Variants in SLC5A4 observed in about 807,000 individuals in gnomAD.
SLC5A4 encodes solute carrier family 5 member 4, also known as probable glucose sensor protein SLC5A4.
In SLC5A4, 55 loss-of-function variants were observed where a neutral mutation model predicts 70.3. The ratio of observed to expected loss-of-function variants is 0.78; its 90% CI spans 0.63 to 0.98. SLC5A4 has a LOEUF of 0.98. Among genes scored for constraint, SLC5A4 ranks in the 50% least tolerant of loss-of-function variants. The pLI is 0.00. For missense variants in SLC5A4, 735 were observed against 839.2 expected (o/e 0.88, Z 1.53); for synonymous variants, 268 against 305.7 (o/e 0.88, Z 1.29).
chr22:32,236,868 CTTAT>C (rs1926092843), intron 7 of SLC5A4, among the ~76,000 whole-genome samples: 1 of 151,944 alleles, frequency 6.6e-6, no homozygotes, highest in Non-Finnish European at 1.5e-5. Context: ...CCACGCCGGG[CTTAT>C]TTTTTATATT....
At chr22:32,292,030 G>C in the SLC5A4 span, among the ~76,000 whole-genome samples, 1 of 139,666 alleles carries the variant, frequency 7.2e-6, no homozygotes, top group African/African-American at 2.7e-5. Context: ...GCACCACTAC[G>C]CCCGGCTATT....
chr22:32,255,576 G>A (rs16990066), upstream of SLC5A4, among the ~76,000 whole-genome samples: 9,813 of 152,100 alleles, frequency 0.065, 638 homozygotes, highest in African/African-American at 0.17. Flanking sequence ...AGCATGGGGC[G>A]TTCTCTGAGT....
chr22:32,333,199 C>CG, the SLC5A4 span, among the ~76,000 whole-genome samples: 6 of 147,598 alleles, frequency 4.1e-5, no homozygotes, highest in African/African-American at 1.0e-4. Flanking sequence ...CACTGGCACC[C>CG]CCCCCCCAGA....
the SLC5A4 span, among the ~76,000 whole-genome samples, chr22:32,307,126 A>G: frequency 6.6e-6 from 1 of 150,850 alleles, no homozygotes; most frequent in Admixed American, 6.6e-5. Flanking sequence ...CTGGGAGCCC[A>G]TTACCATTTA....
the SLC5A4 span, among the ~76,000 whole-genome samples, chr22:32,310,634 A>C: frequency 6.6e-6 from 1 of 152,180 alleles, no homozygotes; most frequent in Non-Finnish European, 1.5e-5. Context: ...GACACTGGCA[A>C]CACTGCCTGG....
chr22:32,314,030 G>C, the SLC5A4 span, among the ~76,000 whole-genome samples: 1 of 152,156 alleles, frequency 6.6e-6, no homozygotes, highest in Non-Finnish European at 1.5e-5. Flanking sequence ...ATGTTTTTTG[G>C]GCAAATGGAG....
chr22:32,334,374 A>G, the SLC5A4 span, among the ~76,000 whole-genome samples: 8,564 of 151,984 alleles, frequency 0.056, 256 homozygotes, highest in South Asian at 0.086. Context: ...CTTGGTTCAG[A>G]CCCTCGAGTT....
the SLC5A4 span, among the ~76,000 whole-genome samples, chr22:32,336,607 C>G: frequency 6.6e-6 from 1 of 152,202 alleles, no homozygotes; most frequent in African/African-American, 2.4e-5. Context: ...GAGCTGTTTC[C>G]TTTCTCCTGA....
At chr22:32,311,944 T>A in the SLC5A4 span, among the ~76,000 whole-genome samples, 1 of 151,920 alleles carries the variant, frequency 6.6e-6, no homozygotes, top group Non-Finnish European at 1.5e-5. Context: ...AAACGAGGGG[T>A]TGGTCTCCTC....
the SLC5A4 span, chr22:32,271,173 T>G: frequency 1.4e-6 from 1 of 696,178 alleles, no homozygotes; most frequent in Non-Finnish European, 2.6e-6. Flanking sequence ...TGCAGGAGAA[T>G]GGCACCATGG....
At chr22:32,294,671 C>T in the SLC5A4 span, among the ~76,000 whole-genome samples, 51 of 148,792 alleles carry the variant, frequency 3.4e-4, no homozygotes, top group African/African-American at 1.3e-3. Flanking sequence ...TTGGCTTTTT[C>T]TTTTTATTAT....
At chr22:32,330,904 T>C in the SLC5A4 span, among the ~76,000 whole-genome samples, 1 of 70,962 alleles carries the variant, frequency 1.4e-5, no homozygotes, top group Admixed American at 1.4e-4. Flanking sequence ...GGCTCTCCTG[T>C]GTGTGTGTGT....
At chr22:32,320,986 T>G in the SLC5A4 span, among the ~76,000 whole-genome samples, 37 of 152,332 alleles carry the variant, frequency 2.4e-4, no homozygotes, top group African/African-American at 6.0e-4. Context: ...ATGAGCTGCT[T>G]CTTTTTAAGA....
At chr22:32,226,051 T>C (rs1292705171) in intron 11 of SLC5A4, among the ~76,000 whole-genome samples, 1 of 152,202 alleles carries the variant, frequency 6.6e-6, no homozygotes, top group Non-Finnish European at 1.5e-5. Context: ...ATCTATGAGA[T>C]TAAATATCTA....
the SLC5A4 span, among the ~76,000 whole-genome samples, chr22:32,281,766 C>T: frequency 1.3e-5 from 2 of 152,090 alleles, no homozygotes; most frequent in African/African-American, 4.8e-5. Flanking sequence ...TCTAGTATTA[C>T]AGGTGAGAGC....
the SLC5A4 span, among the ~76,000 whole-genome samples, chr22:32,306,266 C>T: frequency 3.9e-5 from 6 of 152,026 alleles, no homozygotes; most frequent in Admixed American, 2.6e-4. Context: ...GAGATCGAGA[C>T]CATCCTAGCT....
chr22:32,225,460 A>G (rs1226119202), intron 12 of SLC5A4, among the ~76,000 whole-genome samples, 195 bp downstream of exon 12: 1 of 152,210 alleles, frequency 6.6e-6, no homozygotes, highest in Non-Finnish European at 1.5e-5. Context: ...AGAAACATAT[A>G]AAGACTGTAC....
the SLC5A4 span, chr22:32,271,093 A>C: frequency 1.5e-5 from 9 of 588,532 alleles, no homozygotes; most frequent in African/African-American, 1.1e-4. Context: ...TGGCCCGAAG[A>C]AGCAGCCAGC....
At chr22:32,342,564 ACTT>A in the SLC5A4 span, among the ~76,000 whole-genome samples, 1 of 152,324 alleles carries the variant, frequency 6.6e-6, no homozygotes, top group South Asian at 2.1e-4. Context: ...CTTAGAATTT[ACTT>A]CTACTTCATA....
Sources: allele counts gnomAD v4.1 joint callset (sites outside exome capture counted in the v4.1 genomes callset), GRCh38; gene constraint gnomAD v4.1.1; transcripts MANE v1.5; gene names NCBI Gene and HGNC (gene_info 2026-07-23, HGNC 2026-07-21).